The following CALN1 variants were observed in gnomAD, a reference collection of about 807,000 sequenced individuals.
CALN1 encodes the protein calcium-binding protein 8.
Under a neutral mutation model 30.6 loss-of-function variants are expected in CALN1, and 17 were observed. The ratio of observed to expected loss-of-function variants is 0.56; its 90% CI spans 0.38 to 0.83. The LOEUF (loss-of-function observed/expected upper bound fraction) is 0.83, where lower values mean the gene tolerates loss of function less well. Ranked by LOEUF, CALN1 falls within the 40% of genes least tolerant of loss-of-function variation. The pLI, the probability that CALN1 is intolerant of heterozygous loss-of-function variation, is 0.00. For missense variants in CALN1, 291 were observed against 354.9 expected, an observed-to-expected ratio of 0.82 and a Z score of 1.45; for synonymous variants, 156 against 131.4, an observed-to-expected ratio of 1.19 and a Z score of -1.28.
intron 2 of CALN1, among the ~76,000 whole-genome samples, chr7:72,352,164 C>G (rs1055275298): frequency 7.0e-6 from 1 of 142,876 alleles, no homozygotes; most frequent in African/African-American, 2.7e-5. Flanking sequence ...GAGACTCCGT[C>G]TCAAAACAAA....
At chr7:72,304,663 A>T (rs929205229) in intron 2 of CALN1, among the ~76,000 whole-genome samples, 6 of 151,982 alleles carry the variant, frequency 3.9e-5, no homozygotes, top group African/African-American at 1.5e-4. Context: ...TCCTATTCTT[A>T]TATTACTTTC....
intron 4 of CALN1, among the ~76,000 whole-genome samples, chr7:72,049,644 A>G (rs1460449881): frequency 1.3e-5 from 2 of 151,674 alleles, no homozygotes; most frequent in Non-Finnish European, 2.9e-5. Flanking sequence ...AGTAGCTGGG[A>G]TTACAGGCAT....
chr7:72,224,837 C>T (rs917569460), intron 3 of CALN1, among the ~76,000 whole-genome samples: 1 of 151,262 alleles, frequency 6.6e-6, no homozygotes, highest in Non-Finnish European at 1.5e-5. Context: ...GCCTGTAATC[C>T]CAGCACTTTG....
chr7:72,103,777 G>A (rs1290254929), intron 4 of CALN1, among the ~76,000 whole-genome samples: 3 of 152,006 alleles, frequency 2.0e-5, no homozygotes, highest in African/African-American at 7.3e-5. Flanking sequence ...GGGGAAGGAG[G>A]CTGAGAGTGA....
chr7:72,317,088 GAGA>G (rs1562878850), intron 2 of CALN1, among the ~76,000 whole-genome samples: 18 of 142,104 alleles, frequency 1.3e-4, no homozygotes, highest in African/African-American at 3.6e-4. Flanking sequence ...GAAAGAGAGA[GAGA>G]GAGGGAGGGA....
intron 5 of CALN1, among the ~76,000 whole-genome samples, chr7:71,854,314 G>A (rs865826902): frequency 1.3e-5 from 2 of 151,208 alleles, no homozygotes; most frequent in Non-Finnish European, 1.5e-5. Context: ...TTCCAGCCTC[G>A]GTGACAGAGC....
chr7:72,169,941 C>A (rs902567788), intron 3 of CALN1, among the ~76,000 whole-genome samples: 1 of 152,050 alleles, frequency 6.6e-6, no homozygotes, highest in East Asian at 1.9e-4. Flanking sequence ...GATCCACCTG[C>A]CTTGGCCTCC....
intron 1 of CALN1, among the ~76,000 whole-genome samples, chr7:72,418,914 A>G (rs1289510086): frequency 2.0e-5 from 3 of 152,054 alleles, no homozygotes; most frequent in Non-Finnish European, 2.9e-5. Context: ...TACTTGGGAC[A>G]CTGTGCCGGG....
At chr7:72,473,753 C>T in the CALN1 span, among the ~76,000 whole-genome samples, 1 of 151,520 alleles carries the variant, frequency 6.6e-6, no homozygotes. Context: ...GCCAACGTGG[C>T]GAAACCCCAT....
chr7:72,253,682 G>A (rs1369856347), intron 3 of CALN1, among the ~76,000 whole-genome samples: 1 of 152,178 alleles, frequency 6.6e-6, no homozygotes, highest in East Asian at 1.9e-4. Flanking sequence ...GTCTCTCCCT[G>A]GACATGTGGG....
At chr7:72,163,041 C>T (rs1563111098) in intron 3 of CALN1, among the ~76,000 whole-genome samples, 1 of 152,326 alleles carries the variant, frequency 6.6e-6, no homozygotes, top group East Asian at 1.9e-4. Context: ...AAGTGCTGAG[C>T]AGAGATTTCA....
At chr7:72,048,797 T>C (rs1044108608) in intron 4 of CALN1, among the ~76,000 whole-genome samples, 1 of 151,486 alleles carries the variant, frequency 6.6e-6, no homozygotes, top group Non-Finnish European at 1.5e-5. Context: ...TCCTTCCTTT[T>C]TTCCTTCCTT....
intron 3 of CALN1, among the ~76,000 whole-genome samples, chr7:72,177,849 CCTT>C (rs1789476219): frequency 6.6e-6 from 1 of 151,892 alleles, no homozygotes; most frequent in African/African-American, 2.4e-5. Flanking sequence ...GCTATTTGCT[CCTT>C]ATTTCCCTTC....
chr7:72,410,739 G>T (rs184956688), intron 1 of CALN1, among the ~76,000 whole-genome samples: 19 of 152,218 alleles, frequency 1.2e-4, no homozygotes, highest in East Asian at 9.6e-4. Flanking sequence ...GTAAAATAGG[G>T]AACTATATAT....
At chr7:72,155,384 CGGGAGGCTGAGGCAGGAGAATG>C (rs1787585695) in intron 3 of CALN1, among the ~76,000 whole-genome samples, 1 of 151,294 alleles carries the variant, frequency 6.6e-6, no homozygotes, top group African/African-American at 2.4e-5. Flanking sequence ...CCCAGCTACT[CGGGAGGCTGAGGCAGGAGAATG>C]GCTTGAACCT....
At chr7:72,203,436 T>G (rs573760421) in intron 3 of CALN1, among the ~76,000 whole-genome samples, 1 of 151,992 alleles carries the variant, frequency 6.6e-6, no homozygotes, top group South Asian at 2.1e-4. Flanking sequence ...CCTTGAAAAA[T>G]TTAGTTCCCA....
rs932226220 is a variant in CALN1, at chr7:71,861,613, A to G, written c.502-51121T>C. ...AACATAGTGAGACCCTGTGACTACG[A>G]AAAAAAAAATTACAAAAATTAGCCA... On this transcript the variant is annotated intron_variant, in intron 5 of 6. Coordinates refer to ENST00000395275, the MANE Select transcript of CALN1 (RefSeq NM_031468.4). Among the ~76,000 whole-genome samples the G allele has an allele frequency of 1.3e-4, 15 of 118,738 alleles. 1 individual carries two copies. The East Asian group carries it at 8.2e-3, about 65-fold the overall frequency. The allele number at this position is 118,738 out of a possible 152,430, so 77.9% of individuals were successfully genotyped here. A position where few individuals can be genotyped will look rare whatever the true frequency, so the allele number is the denominator to read the frequency against.
At chr7:72,409,813 G>GGAA (rs1361841639) in intron 1 of CALN1, among the ~76,000 whole-genome samples, 9 of 152,068 alleles carry the variant, frequency 5.9e-5, no homozygotes, top group Admixed American at 2.6e-4. Flanking sequence ...ACCAAGGAAC[G>GGAA]TTCCCTCCCT....
intron 4 of CALN1, among the ~76,000 whole-genome samples, chr7:72,066,570 C>G (rs553316004): frequency 7.4e-4 from 113 of 152,050 alleles, no homozygotes; most frequent in African/African-American, 2.7e-3. Context: ...CAACCAAATG[C>G]AACCGTACCT....
Sources: gnomAD v4.1 joint callset for allele counts (sites outside exome capture counted in the v4.1 genomes callset) on GRCh38, gnomAD v4.1.1 for gene constraint, MANE v1.5 for transcripts, NCBI Gene and HGNC (gene_info 2026-07-23, HGNC 2026-07-21) for gene names.